Variants in PIK3R5 observed in about 807,000 individuals in gnomAD.
The protein encoded by PIK3R5 is phosphoinositide-3-kinase regulatory subunit 5.
PIK3R5 carries 32 observed loss-of-function variants against 94.9 expected under a neutral mutation model. The ratio of observed to expected loss-of-function variants is 0.34; its 90% CI spans 0.25 to 0.45. The LOEUF (loss-of-function observed/expected upper bound fraction) is 0.45. PIK3R5 is among the 20% of genes least tolerant of loss of function. The probability of loss-of-function intolerance (pLI) is 1.00; values close to 1 mark genes in which losing one functional copy is unlikely to be tolerated. For synonymous variants in PIK3R5, 443 were observed against 479.4 expected, an observed-to-expected ratio of 0.92 and a Z score of 0.99; for missense variants, 853 against 1,144.6, an observed-to-expected ratio of 0.75 and a Z score of 3.68.
chr17:8,959,095 A>C (rs757364483), intron 1 of PIK3R5, among the ~76,000 whole-genome samples: 2 of 152,126 alleles, frequency 1.3e-5, no homozygotes, highest in Non-Finnish European at 2.9e-5. Flanking sequence ...AAATGGGCTG[A>C]ATTCAAAACT....
rs117269850 is a variant in PIK3R5, at chr17:8,918,537, G to A, written c.-13-7030C>T. ...ATTGAATAAAAACATAAATGGAGGAGAAATGACAGGTCTTCTTTACAAAAG... is the reference window on the plus strand; with the variant it reads ...ATTGAATAAAAACATAAATGGAGGAAAAATGACAGGTCTTCTTTACAAAAG... On this transcript the variant is annotated intron_variant, in intron 1 of 18. Transcript: ENST00000447110. 9.8e-3 allele frequency among the ~76,000 whole-genome samples: 1,499 copies of A among 152,258 alleles called. 25 individuals carry two copies. The highest frequency in any genetic ancestry group is 0.012 in the Non-Finnish European group (848 of 68,002).
At chr17:8,898,685 GCATCATTGCTGTCCTCCTCGT>G (rs1435818748) in intron 5 of PIK3R5, among the ~76,000 whole-genome samples, 2 of 152,148 alleles carry the variant, frequency 1.3e-5, no homozygotes, top group Non-Finnish European at 2.9e-5. Context: ...AGCAACCCTG[GCATCATTGCTGTCCTCCTCGT>G]CATCATCATC....
At chr17:8,915,316 C>T (rs1255795835) in intron 1 of PIK3R5, among the ~76,000 whole-genome samples, 5 of 150,274 alleles carry the variant, frequency 3.3e-5, no homozygotes, top group East Asian at 2.0e-4. Flanking sequence ...CACAGCTACT[C>T]GGGAGGCTGA....
intron 1 of PIK3R5, among the ~76,000 whole-genome samples, chr17:8,947,886 A>C (rs889043378): frequency 1.3e-5 from 2 of 151,852 alleles, no homozygotes; most frequent in African/African-American, 4.8e-5. Flanking sequence ...TACTAAAAAC[A>C]CAAAAAATTA....
At chr17:8,946,764 C>T (rs1394670059) in intron 1 of PIK3R5, among the ~76,000 whole-genome samples, 1 of 152,074 alleles carries the variant, frequency 6.6e-6, no homozygotes, top group Admixed American at 6.6e-5. Flanking sequence ...TCAGGACCTT[C>T]GCGCCTGCCG....
At position 8,925,072 on chromosome 17, in the gene PIK3R5, GGATA is replaced by G. The variant is rs549036839; in HGVS notation, c.-13-13569_-13-13566del. Among the ~76,000 whole-genome samples, 36 of 151,052 alleles carry G rather than the reference GGATA, an allele frequency of 2.4e-4. No individual in the cohort carries two copies. The highest frequency in any genetic ancestry group is 6.3e-4 in the South Asian group (3 of 4,764). On this transcript the variant is annotated intron_variant, in intron 1 of 18. Coordinates refer to ENST00000447110, the MANE Select transcript of PIK3R5 (RefSeq NM_001142633.3). This position sits in a 1 kb window ranked among gnomAD's most constrained non-coding sequence, Gnocchi z 5.1. ...ATAGATAGATAGTAGATGGATAGAT[GGATA>G]GATAGATAGTGGATAGATAGAAAGT...
At chr17:8,943,312 A>T (rs974452450) in intron 1 of PIK3R5, among the ~76,000 whole-genome samples, 4 of 151,550 alleles carry the variant, frequency 2.6e-5, no homozygotes, top group South Asian at 4.2e-4. Context: ...CTGGTCTCAA[A>T]CTCCTGGCCT....
intron 1 of PIK3R5, 68 bp downstream of exon 1, chr17:8,965,528 T>G (rs954848523): frequency 6.6e-6 from 1 of 152,314 alleles, no homozygotes; most frequent in African/African-American, 2.4e-5. Flanking sequence ...GGTCCCCAGC[T>G]TGCTCCAGCT....
intron 1 of PIK3R5, among the ~76,000 whole-genome samples, chr17:8,944,878 T>C (rs1004395055): frequency 6.6e-6 from 1 of 152,186 alleles, no homozygotes; most frequent in Non-Finnish European, 1.5e-5. Context: ...CACTGAGACA[T>C]GTGACTGGGG....
intron 14 of PIK3R5, chr17:8,885,220 A>AC (rs2089789382): frequency 6.0e-6 from 1 of 167,306 alleles, no homozygotes; most frequent in Non-Finnish European, 1.2e-5. Flanking sequence ...CTCCCATGTA[A>AC]CCCCCCTTCC....
At chr17:8,952,310 G>T (rs1247980805) in intron 1 of PIK3R5, among the ~76,000 whole-genome samples, 1 of 152,214 alleles carries the variant, frequency 6.6e-6, no homozygotes, top group Admixed American at 6.5e-5. Flanking sequence ...TAAGAGAAAT[G>T]ATGTTTTTGT....
intron 6 of PIK3R5, among the ~76,000 whole-genome samples, chr17:8,891,447 C>T (rs763306207): frequency 6.6e-6 from 1 of 152,246 alleles, no homozygotes; most frequent in African/African-American, 2.4e-5. Flanking sequence ...TTATGAGGGA[C>T]ACCTTTTCTA....
At chr17:8,918,067 G>A (rs971713185) in intron 1 of PIK3R5, among the ~76,000 whole-genome samples, 10 of 152,154 alleles carry the variant, frequency 6.6e-5, no homozygotes, top group African/African-American at 2.4e-4. Flanking sequence ...TGTATATACA[G>A]ATAAATACAT....
At chr17:8,950,507 C>T (rs1302785153) in intron 1 of PIK3R5, among the ~76,000 whole-genome samples, 2 of 152,100 alleles carry the variant, frequency 1.3e-5, no homozygotes, top group East Asian at 3.9e-4. Context: ...TCTACTTGTG[C>T]TCAGTGTTTA....
chr17:8,941,061 C>T (rs551159074), intron 1 of PIK3R5, among the ~76,000 whole-genome samples: 1 of 152,382 alleles, frequency 6.6e-6, no homozygotes, highest in East Asian at 1.9e-4. Context: ...CTTCTGATCA[C>T]AGCCACAGCA....
chr17:8,911,388 C>G lies in PIK3R5; in HGVS notation c.103+4G>C. ...AAACACCTCCCCGGCTCCCTTGGAC[C>G]GACCTGACCAGGAGGTGGAGCGGCG... On this transcript the variant is annotated splice_donor_region_variant and intron_variant, in intron 2 of 18. Coordinates refer to ENST00000447110, the MANE Select transcript of PIK3R5 (RefSeq NM_001142633.3). This position sits in a 1 kb window ranked among gnomAD's most constrained non-coding sequence, Gnocchi z 5.3. The G allele has an allele frequency of 6.3e-7, 1 of 1,598,784 alleles. No homozygotes were observed. The highest frequency in any genetic ancestry group is 1.7e-5 in the Admixed American group (1 of 60,004).
intron 1 of PIK3R5, among the ~76,000 whole-genome samples, chr17:8,938,348 A>G (rs2091113745): frequency 6.6e-6 from 1 of 152,198 alleles, no homozygotes; most frequent in Admixed American, 6.5e-5. Context: ...CAATGTCCAT[A>G]GGTTTGGCAG....
intron 1 of PIK3R5, among the ~76,000 whole-genome samples, chr17:8,954,111 C>T (rs1233342325): frequency 6.6e-6 from 1 of 152,054 alleles, no homozygotes; most frequent in Non-Finnish European, 1.5e-5. Flanking sequence ...TAACTTTGTC[C>T]TTGCTTACTC....
rs1042236318 is a variant in PIK3R5, at chr17:8,945,806, G to A, written c.-14+19790C>T. On this transcript the variant is annotated intron_variant, in intron 1 of 18. Transcript: ENST00000447110. This position sits in a 1 kb window ranked among gnomAD's most constrained non-coding sequence, Gnocchi z 4.0. Reference sequence around the variant, plus strand: ...TGCCACAATCAAAACAGATTATAGCGGAAGTGATGCTGTGTGGCTTCCAAG... The same window carrying A: ...TGCCACAATCAAAACAGATTATAGCAGAAGTGATGCTGTGTGGCTTCCAAG... Among the ~76,000 whole-genome samples, 8 of 152,146 alleles carry A rather than the reference G, an allele frequency of 5.3e-5. No homozygotes were observed. The South Asian group carries it at 6.2e-4, about 12-fold the overall frequency.
Sources: allele counts gnomAD v4.1 joint callset (sites outside exome capture counted in the v4.1 genomes callset), GRCh38; gene constraint gnomAD v4.1.1; non-coding constraint Gnocchi (gnomAD v3.1); transcripts MANE v1.5; gene names NCBI Gene and HGNC (gene_info 2026-07-23, HGNC 2026-07-21).